The following ZBBX variants were observed in gnomAD, a reference collection of about 807,000 sequenced individuals.
ZBBX encodes zinc finger B-box domain containing.
In ZBBX, 101 loss-of-function variants were observed where a neutral mutation model predicts 108.5. That is an observed-to-expected ratio of 0.93 (90% CI 0.79 to 1.10). The LOEUF (loss-of-function observed/expected upper bound fraction) is 1.10. Ranked by LOEUF, ZBBX falls within the 50% of genes least tolerant of loss-of-function variation. The pLI, the probability that ZBBX is intolerant of heterozygous loss-of-function variation, is 0.00. For missense variants in ZBBX, 1,009 were observed against 941.4 expected (o/e 1.07, Z -0.94); for synonymous variants, 356 against 323.4 (o/e 1.10, Z -1.08).
intron 10 of ZBBX, 52 bp downstream of exon 10, chr3:167,333,775 C>A: frequency 2.1e-6 from 3 of 1,424,482 alleles, no homozygotes; most frequent in East Asian, 2.4e-5. Flanking sequence ...TGAATGGCAC[C>A]TGCCATAGTT....
the ZBBX span, among the ~76,000 whole-genome samples, chr3:167,195,648 G>A: frequency 6.6e-6 from 1 of 152,100 alleles, no homozygotes; most frequent in Non-Finnish European, 1.5e-5. Flanking sequence ...ACATTTTGGG[G>A]ATTTCTTTGA....
At chr3:167,350,700 T>C (rs1258404430) in intron 8 of ZBBX, among the ~76,000 whole-genome samples, 185 bp from the exon 9 acceptor site, 1 of 151,626 alleles carries the variant, frequency 6.6e-6, no homozygotes, top group Admixed American at 6.6e-5. Context: ...GTTGTCCCAG[T>C]TAAGACTTAA....
chr3:167,277,686 TCAA>T (rs1218350918), intron 20 of ZBBX, among the ~76,000 whole-genome samples: 2 of 152,024 alleles, frequency 1.3e-5, no homozygotes, highest in Non-Finnish European at 2.9e-5. Context: ...AATAGACAGA[TCAA>T]CGAGACAGAA....
intron 1 of ZBBX, among the ~76,000 whole-genome samples, chr3:167,390,313 A>AT (rs1203402197): frequency 6.6e-6 from 1 of 151,962 alleles, no homozygotes; most frequent in Non-Finnish European, 1.5e-5. Flanking sequence ...TTTCTGTTCC[A>AT]TTGGTCTATA....
At chr3:167,182,040 AG>A in the ZBBX span, among the ~76,000 whole-genome samples, 1 of 152,188 alleles carries the variant, frequency 6.6e-6, no homozygotes, top group Non-Finnish European at 1.5e-5. Flanking sequence ...TGATTAGCCC[AG>A]TGTTTTCCTT....
chr3:167,383,993 A>G (rs1398246782), upstream of ZBBX, among the ~76,000 whole-genome samples: 1 of 152,104 alleles, frequency 6.6e-6, no homozygotes, highest in African/African-American at 2.4e-5. Context: ...ATAAGAATGA[A>G]AAGTTGTGCT....
chr3:167,368,775 T>A, intron 4 of ZBBX: 1 of 1,212,680 alleles, frequency 8.2e-7, no homozygotes, highest in Non-Finnish European at 1.0e-6. Context: ...TCTCTTCAAA[T>A]CTTAGACTTT....
At chr3:167,232,404 C>G in the ZBBX span, among the ~76,000 whole-genome samples, 1 of 151,876 alleles carries the variant, frequency 6.6e-6, no homozygotes, top group East Asian at 2.0e-4. Flanking sequence ...CAGGAAGAGG[C>G]ACATCCTTGG....
intron 20 of ZBBX, among the ~76,000 whole-genome samples, chr3:167,261,162 C>T (rs1724441000): frequency 6.6e-6 from 1 of 152,278 alleles, no homozygotes; most frequent in African/African-American, 2.4e-5. Flanking sequence ...GTTGCCTGCC[C>T]AGCATCCTAT....
chr3:167,267,100 G>T (rs1278336270), intron 20 of ZBBX, among the ~76,000 whole-genome samples: 1 of 152,200 alleles, frequency 6.6e-6, no homozygotes, highest in Non-Finnish European at 1.5e-5. Context: ...GAAAGTGTGT[G>T]AATGGTAACA....
At chr3:167,389,777 T>C (rs1340952039) in intron 1 of ZBBX, among the ~76,000 whole-genome samples, 3 of 152,070 alleles carry the variant, frequency 2.0e-5, no homozygotes, top group Non-Finnish European at 2.9e-5. Context: ...ATATCTTCTG[T>C]TGAGAAGTGT....
intron 1 of ZBBX, among the ~76,000 whole-genome samples, chr3:167,407,096 G>T (rs902510531): frequency 2.6e-5 from 4 of 151,800 alleles, no homozygotes; most frequent in Admixed American, 2.0e-4. Context: ...GCTGGGTGGC[G>T]CCAGATCATC....
chr3:167,178,497 G>A, the ZBBX span, among the ~76,000 whole-genome samples: 1 of 152,140 alleles, frequency 6.6e-6, no homozygotes, highest in East Asian at 1.9e-4. Flanking sequence ...TTCGACGGGT[G>A]TTGCTCGTGA....
chr3:167,358,199 A>G (rs980013411), intron 8 of ZBBX, among the ~76,000 whole-genome samples: 1 of 151,976 alleles, frequency 6.6e-6, no homozygotes, highest in Non-Finnish European at 1.5e-5. Context: ...AAAATAAAAA[A>G]ATAATAAAAA....
At chr3:167,191,797 T>C in the ZBBX span, among the ~76,000 whole-genome samples, 1 of 151,292 alleles carries the variant, frequency 6.6e-6, no homozygotes, top group South Asian at 2.1e-4. Flanking sequence ...CTCATTTTTC[T>C]CTCCTCAAGA....
In ZBBX at chr3:167,290,991, A is replaced by G. The variant is rs115843066; in HGVS notation, c.1880-2008T>C. Among the ~76,000 whole-genome samples, 937 of 152,246 alleles carry G rather than the reference A, an allele frequency of 6.2e-3. 6 individuals are homozygous for G. The highest frequency in any genetic ancestry group is 0.022 in the African/African-American group (909 of 41,556). ...AGATCAACTCAATGAAATAAAGCGG[A>G]AAGACAAGGTTAGAGAAAAAAGAGT... On this transcript the variant is annotated intron_variant, in intron 18 of 21. Transcript: ENST00000675490.
chr3:167,272,431 T>C (rs1726692017), intron 20 of ZBBX, among the ~76,000 whole-genome samples: 1 of 152,118 alleles, frequency 6.6e-6, no homozygotes, highest in African/African-American at 2.4e-5. Context: ...TGAGCCAGCC[T>C]GGGAAGGACC....
At position 167,240,884 on chromosome 3, in the gene ZBBX, A is replaced by G. The variant is rs779119760; in HGVS notation, c.2429T>C (p.Leu810Pro). 2 of 1,613,530 alleles carry G rather than the reference A, an allele frequency of 1.2e-6. No homozygotes were observed. The highest frequency in any genetic ancestry group is 1.1e-5 in the South Asian group (1 of 91,064). The change falls in exon 22 of 22, where the codon CTG becomes CCG. Residue 810 changes from leucine to proline, a missense_variant. Coordinates refer to ENST00000675490, the MANE Select transcript of ZBBX (RefSeq NM_001199201.2). ...SGRDTKIQSL[L>P]SLSESSTDEE... ...ATCTGTACTGCTCTCAGAAAGTGAC[A>G]GCAAAGACTGAATTTTGGTATCTCT...
At chr3:167,278,935 G>C (rs1728219691) in intron 20 of ZBBX, among the ~76,000 whole-genome samples, 1 of 152,110 alleles carries the variant, frequency 6.6e-6, no homozygotes, top group African/African-American at 2.4e-5. Flanking sequence ...GGGATGCAAG[G>C]CTGGTTCAAT....
Sources: gnomAD v4.1 joint callset for allele counts (sites outside exome capture counted in the v4.1 genomes callset) on GRCh38, gnomAD v4.1.1 for gene constraint, MANE v1.5 for transcripts, NCBI Gene and HGNC (gene_info 2026-07-23, HGNC 2026-07-21) for gene names.